RBFOX1: variants seen among roughly 807,000 people sequenced by gnomAD.
The protein encoded by RBFOX1 is RNA binding protein fox-1 homolog 1.
A neutral mutation model predicts 57.7 loss-of-function variants in RBFOX1; 8 were observed. The observed-to-expected ratio is 0.14, with a 90% CI of 0.08 to 0.25. The LOEUF is 0.25. RBFOX1 is among the 10% of genes least tolerant of loss of function. The pLI is 1.00. For synonymous variants in RBFOX1, 326 were observed against 222.4 expected (o/e 1.47, Z -4.15); for missense variants, 611 against 548.5 (o/e 1.11, Z -1.14).
At chr16:5,287,584 A>G (rs541920385) in intron 1 of RBFOX1, among the ~76,000 whole-genome samples, 8 of 152,266 alleles carry the variant, frequency 5.3e-5, no homozygotes, top group East Asian at 1.9e-4. Flanking sequence ...TCATGGATCT[A>G]TGGATCAGCT....
intron 2 of RBFOX1, among the ~76,000 whole-genome samples, chr16:6,473,270 A>G (rs2153083495): frequency 6.6e-6 from 1 of 152,288 alleles, no homozygotes; most frequent in East Asian, 1.9e-4. Context: ...TTGGCAGGGT[A>G]CATGTCTGTC....
At chr16:7,674,386 T>A (rs969212897) in intron 13 of RBFOX1, among the ~76,000 whole-genome samples, 1 of 152,174 alleles carries the variant, frequency 6.6e-6, no homozygotes, top group Non-Finnish European at 1.5e-5. Context: ...AAGAGTTCAA[T>A]AGTCATTTAC....
rs114612717 is a variant in RBFOX1 at position 5,679,508 on chromosome 16, C to G, written c.318+80547C>G. On this transcript the variant is annotated intron_variant, in intron 3 of 19. Transcript: ENST00000641259. ...CCTGAGGCTCTCCCTCCCCTTGTCC[C>G]CCACCCCCCGACAGGTCCCGGTGTG... Among the ~76,000 whole-genome samples, 1,282 of 152,146 alleles carry G rather than the reference C, an allele frequency of 8.4e-3. 14 individuals are homozygous for G. The highest frequency in any genetic ancestry group is 0.029 in the African/African-American group (1,186 of 41,512).
chr16:5,789,076 C>G (rs552194509), intron 3 of RBFOX1, among the ~76,000 whole-genome samples: 22 of 152,242 alleles, frequency 1.4e-4, no homozygotes, highest in African/African-American at 5.3e-4. Flanking sequence ...TGCACAAACC[C>G]TTCCCTCTCT....
At chr16:6,334,324 A>G (rs1185015568) in intron 2 of RBFOX1, among the ~76,000 whole-genome samples, 1 of 152,042 alleles carries the variant, frequency 6.6e-6, no homozygotes, top group Admixed American at 6.6e-5. Context: ...CCTGGGCAAC[A>G]TGGTGAAACC....
chr16:6,102,123 C>A (rs1289099085), intron 1 of RBFOX1, among the ~76,000 whole-genome samples: 2 of 146,620 alleles, frequency 1.4e-5, no homozygotes, highest in Non-Finnish European at 3.0e-5. Flanking sequence ...TTCTGAACAG[C>A]AGTATGAGTT....
intron 4 of RBFOX1, among the ~76,000 whole-genome samples, chr16:7,325,467 T>G (rs1271485093): frequency 1.3e-5 from 2 of 152,182 alleles, no homozygotes; most frequent in Admixed American, 6.5e-5. Context: ...TGAGAGAATG[T>G]AATGCCACAA....
At position 7,265,755 on chromosome 16, in the gene RBFOX1, C is replaced by G. The variant is rs191941239; in HGVS notation, c.27+213657C>G. 5.4e-4 allele frequency among the ~76,000 whole-genome samples: 82 copies of G among 151,942 alleles called. 1 individual carries two copies. Among genetic ancestry groups the G allele is most frequent in the African/African-American group, 1.9e-3 (79 of 41,480 alleles). ...TGAGCCACCATGCCTGGCCAGGTGT[C>G]TTTTCTGATAAGGACACTAATCCCA... On this transcript the variant is annotated intron_variant, in intron 4 of 15. Transcript: ENST00000550418.
intron 1 of RBFOX1, among the ~76,000 whole-genome samples, chr16:6,315,808 C>CCAAT (rs1260645039): frequency 3.3e-5 from 5 of 152,098 alleles, no homozygotes; most frequent in African/African-American, 1.2e-4. Flanking sequence ...ATTTTGAAGT[C>CCAAT]ACTTGATGTT....
chr16:5,924,744 C>A (rs769321912), intron 4 of RBFOX1, among the ~76,000 whole-genome samples: 71 of 152,304 alleles, frequency 4.7e-4, no homozygotes, highest in Admixed American at 1.5e-3. Flanking sequence ...ACCTACCTTT[C>A]CAGGAATCAT....
intron 13 of RBFOX1, among the ~76,000 whole-genome samples, chr16:7,672,029 G>T (rs543491305): frequency 6.6e-6 from 1 of 152,182 alleles, no homozygotes; most frequent in African/African-American, 2.4e-5. Context: ...TAGGTTCCCA[G>T]AGTGAACCGG....
intron 2 of RBFOX1, among the ~76,000 whole-genome samples, chr16:6,444,702 A>G (rs1597341072): frequency 6.6e-6 from 1 of 152,086 alleles, no homozygotes; most frequent in Non-Finnish European, 1.5e-5. Flanking sequence ...AAGGCACAAT[A>G]AGAAGAAAAG....
chr16:6,382,319 A>G (rs186523036), intron 2 of RBFOX1, among the ~76,000 whole-genome samples: 1 of 152,296 alleles, frequency 6.6e-6, no homozygotes, highest in Non-Finnish European at 1.5e-5. Context: ...ATGGCAGTAA[A>G]CACTCATTTC....
chr16:5,943,843 A>G (rs1420662419), intron 4 of RBFOX1, among the ~76,000 whole-genome samples: 1 of 151,772 alleles, frequency 6.6e-6, no homozygotes, highest in African/African-American at 2.4e-5. Flanking sequence ...CCACCCATTT[A>G]TCCACCTATT....
chr16:6,505,341 C>G (rs895112683), intron 2 of RBFOX1, among the ~76,000 whole-genome samples: 1 of 152,070 alleles, frequency 6.6e-6, no homozygotes, highest in Non-Finnish European at 1.5e-5. Context: ...TATAAGGAAT[C>G]TAAAAATGCA....
chr16:5,389,496 C>T (rs192934068), intron 1 of RBFOX1, among the ~76,000 whole-genome samples: 1 of 152,150 alleles, frequency 6.6e-6, no homozygotes, highest in East Asian at 1.9e-4. Flanking sequence ...CGCCAAATGT[C>T]CTCTGGGAGG....
intron 2 of RBFOX1, among the ~76,000 whole-genome samples, chr16:6,518,480 A>T (rs76029296): frequency 0.029 from 4,356 of 152,178 alleles, 194 homozygotes; most frequent in African/African-American, 0.099. Flanking sequence ...AGATGGGCAC[A>T]CTGAGAGTCA....
chr16:5,320,829 C>A (rs1456031373), intron 1 of RBFOX1, among the ~76,000 whole-genome samples: 1 of 152,110 alleles, frequency 6.6e-6, no homozygotes, highest in African/African-American at 2.4e-5. Context: ...TCCAGGAAGC[C>A]CTAGGCACGA....
chr16:7,459,925 T>A (rs2059228904), intron 4 of RBFOX1, among the ~76,000 whole-genome samples: 1 of 152,124 alleles, frequency 6.6e-6, no homozygotes, highest in Admixed American at 6.6e-5. Flanking sequence ...AGACAGAAAT[T>A]ATGTTTTAAT....
Sources: allele counts gnomAD v4.1 joint callset (sites outside exome capture counted in the v4.1 genomes callset), GRCh38; gene constraint gnomAD v4.1.1; transcripts MANE v1.5; gene names NCBI Gene and HGNC (gene_info 2026-07-23, HGNC 2026-07-21).